The following MACROD2 variants were observed in gnomAD, a reference collection of about 807,000 sequenced individuals.
MACROD2 encodes ADP-ribose glycohydrolase MACROD2.
In MACROD2, 36 loss-of-function variants were observed where a neutral mutation model predicts 70.4. The observed-to-expected ratio is 0.51, with a 90% CI of 0.39 to 0.68. The LOEUF (loss-of-function observed/expected upper bound fraction) is 0.68. MACROD2 is among the 30% of genes least tolerant of loss of function. The pLI is 0.00. For missense variants in MACROD2, 496 were observed against 538.4 expected (o/e 0.92, Z 0.78); for synonymous variants, 172 against 178.8 (o/e 0.96, Z 0.30).
At chr20:15,222,397 A>C (rs548729364) in intron 5 of MACROD2, among the ~76,000 whole-genome samples, 2 of 152,230 alleles carry the variant, frequency 1.3e-5, no homozygotes, top group African/African-American at 2.4e-5. Flanking sequence ...TTGTAATGCT[A>C]TCAGGTGGTA....
chr20:14,631,191 T>G (rs2123473187), intron 4 of MACROD2, among the ~76,000 whole-genome samples: 1 of 152,270 alleles, frequency 6.6e-6, no homozygotes, highest in East Asian at 1.9e-4. Flanking sequence ...AACTGAACTT[T>G]GAAACAAGCC....
intron 8 of MACROD2, among the ~76,000 whole-genome samples, chr20:15,645,194 A>G (rs1244374862): frequency 1.3e-5 from 2 of 152,292 alleles, no homozygotes; most frequent in East Asian, 3.9e-4. Context: ...CTGCACCGGA[A>G]TGGTGGACAG....
rs972871032 is a variant in MACROD2 at position 16,052,426 on chromosome 20, T to C, written c.*2550T>C. ...TTCCAACCAAACTCCAATACAGCTATGTGGCATGAAGAGTTACAGGAGGGA... is the reference window on the plus strand; with the variant it reads ...TTCCAACCAAACTCCAATACAGCTACGTGGCATGAAGAGTTACAGGAGGGA... On this transcript the variant is annotated 3_prime_UTR_variant, in exon 18 of 18. Coordinates refer to ENST00000684519, the MANE Select transcript of MACROD2 (RefSeq NM_001351661.2). 8 of 152,216 alleles carry C rather than the reference T, an allele frequency of 5.3e-5. No homozygotes were observed. The highest frequency in any genetic ancestry group is 8.8e-5 in the Non-Finnish European group (6 of 68,032). The allele number at this position is 152,216 out of a possible 1,614,324, so 9.4% of individuals were successfully genotyped here. A position where few individuals can be genotyped will look rare whatever the true frequency, so the allele number is the denominator to read the frequency against.
intron 6 of MACROD2, among the ~76,000 whole-genome samples, chr20:15,380,944 CTTTCACTT>C (rs139403909): frequency 0.08 from 12,117 of 152,046 alleles, 578 homozygotes; most frequent in Middle Eastern, 0.14. Flanking sequence ...CTTTTTCACT[CTTTCACTT>C]TCATATTACT....
At chr20:15,664,161 G>C (rs2049863900) in intron 8 of MACROD2, among the ~76,000 whole-genome samples, 1 of 152,188 alleles carries the variant, frequency 6.6e-6, no homozygotes, top group South Asian at 2.1e-4. Flanking sequence ...TTAAGTAGTT[G>C]TAACTTTCTA....
chr20:14,863,044 A>G (rs1302951544), intron 5 of MACROD2, among the ~76,000 whole-genome samples: 2 of 151,984 alleles, frequency 1.3e-5, no homozygotes, highest in African/African-American at 4.8e-5. Context: ...CTAATAAGGT[A>G]TTATTAGTAT....
intron 2 of MACROD2, among the ~76,000 whole-genome samples, chr20:14,072,440 C>T (rs116579633): frequency 0.023 from 2,851 of 121,716 alleles, 86 homozygotes; most frequent in African/African-American, 0.083. Context: ...TTCTTACCTG[C>T]GGAGCATGTT....
At chr20:15,354,736 T>A (rs12053601) in intron 6 of MACROD2, among the ~76,000 whole-genome samples, 2 of 152,092 alleles carry the variant, frequency 1.3e-5, no homozygotes, top group African/African-American at 2.4e-5. Flanking sequence ...GAGGAATAAG[T>A]TACTTTCACT....
intron 5 of MACROD2, among the ~76,000 whole-genome samples, chr20:14,878,387 G>A (rs2073573509): frequency 1.3e-5 from 2 of 152,132 alleles, no homozygotes; most frequent in Admixed American, 1.3e-4. Flanking sequence ...AGCATGATTA[G>A]TTGGGGCACA....
chr20:15,224,158 C>T (rs1365629657), intron 5 of MACROD2, among the ~76,000 whole-genome samples: 2 of 152,202 alleles, frequency 1.3e-5, no homozygotes, highest in Admixed American at 6.5e-5. Context: ...CTAAGCCAAA[C>T]CCCCTAGCCA....
At chr20:14,002,552 C>T (rs2052746977) in intron 2 of MACROD2, 148 bp downstream of exon 2, 1 of 554,752 alleles carries the variant, frequency 1.8e-6, no homozygotes, top group Admixed American at 3.4e-5. Flanking sequence ...TTTTTAGTAA[C>T]CTACGGTGTT....
At chr20:14,051,452 G>A (rs1412611263) in intron 2 of MACROD2, among the ~76,000 whole-genome samples, 6 of 152,142 alleles carry the variant, frequency 3.9e-5, no homozygotes, top group Admixed American at 6.5e-5. Flanking sequence ...GTTTACAGAA[G>A]TATATTTTCA....
chr20:15,492,847 T>G (rs1464477087), intron 7 of MACROD2, among the ~76,000 whole-genome samples: 1 of 152,212 alleles, frequency 6.6e-6, no homozygotes, highest in Non-Finnish European at 1.5e-5. Flanking sequence ...CAAGGGAGTT[T>G]GATTTTTTTA....
rs145993248 is a variant in MACROD2 at position 16,031,537 on chromosome 20, G to A, written c.1154-9664G>A. On this transcript the variant is annotated intron_variant, in intron 15 of 17. Transcript: ENST00000684519. ...TATAAGTGCAAGAACATTCACTGAA[G>A]CTGTTTGTAAAAGCAACAGTGTAGA... 2.0e-5 allele frequency among the ~76,000 whole-genome samples: 3 copies of A among 152,238 alleles called. No homozygotes were observed. The East Asian group carries it at 5.8e-4, about 29-fold the overall frequency.
At chr20:14,602,049 C>T (rs763989980) in intron 4 of MACROD2, among the ~76,000 whole-genome samples, 11 of 152,188 alleles carry the variant, frequency 7.2e-5, no homozygotes, top group African/African-American at 1.7e-4. Flanking sequence ...AGGACTTCTG[C>T]TCCTTACTTC....
intron 3 of MACROD2, among the ~76,000 whole-genome samples, chr20:14,317,534 T>G (rs1320154736): frequency 6.6e-6 from 1 of 151,242 alleles, no homozygotes; most frequent in Non-Finnish European, 1.5e-5. Flanking sequence ...GAGAATCGCT[T>G]GAACCTGGGA....
intron 5 of MACROD2, among the ~76,000 whole-genome samples, chr20:15,193,600 T>G (rs1418367406): frequency 6.6e-6 from 1 of 152,014 alleles, no homozygotes; most frequent in African/African-American, 2.4e-5. Flanking sequence ...GTGAGCCCTA[T>G]CACTGCACTC....
chr20:14,808,108 T>A (rs1376580820), intron 5 of MACROD2, among the ~76,000 whole-genome samples: 1 of 151,788 alleles, frequency 6.6e-6, no homozygotes, highest in African/African-American at 2.4e-5. Flanking sequence ...GCAAAGATAC[T>A]CCTCAAGAAG....
intron 8 of MACROD2, among the ~76,000 whole-genome samples, chr20:15,722,132 A>C (rs2050795445): frequency 6.6e-6 from 1 of 152,176 alleles, no homozygotes; most frequent in African/African-American, 2.4e-5. Flanking sequence ...TATATATTCA[A>C]CTTTCTCTTA....
Sources: gnomAD v4.1 joint callset for allele counts (sites outside exome capture counted in the v4.1 genomes callset) on GRCh38, gnomAD v4.1.1 for gene constraint, MANE v1.5 for transcripts, NCBI Gene and HGNC (gene_info 2026-07-23, HGNC 2026-07-21) for gene names.